Variants in ADAM9 observed in about 807,000 individuals in gnomAD.
ADAM9 encodes the protein ADAM metallopeptidase domain 9.
In ADAM9, 54 loss-of-function variants were observed where a neutral mutation model predicts 108.1. The observed-to-expected ratio is 0.50, with a 90% confidence interval of 0.40 to 0.63. The LOEUF (loss-of-function observed/expected upper bound fraction) is 0.63, where lower values mean the gene tolerates loss of function less well. ADAM9 is among the 20% of genes least tolerant of loss of function. ADAM9 has a pLI of 0.00. For synonymous variants in ADAM9, 316 were observed against 336.0 expected (o/e 0.94, Z 0.65); for missense variants, 830 against 997.7 (o/e 0.83, Z 2.26).
At chr8:39,017,816 C>T (rs1487928345) in intron 6 of ADAM9, among the ~76,000 whole-genome samples, 2 of 152,108 alleles carry the variant, frequency 1.3e-5, no homozygotes, top group Admixed American at 6.6e-5. Flanking sequence ...TGGTCTTGAA[C>T]CCCTGGTATC....
intron 11 of ADAM9, among the ~76,000 whole-genome samples, chr8:39,032,121 G>GACAA (rs1837115579): frequency 6.6e-6 from 1 of 152,238 alleles, no homozygotes; most frequent in East Asian, 1.9e-4. Flanking sequence ...AGGCTACATG[G>GACAA]GTGTCAGGGA....
At position 39,104,827 on chromosome 8, in the gene ADAM9, A is replaced by G. The variant is rs1267136686; in HGVS notation, c.*1127A>G. 2 of 452,594 alleles carry G rather than the reference A, an allele frequency of 4.4e-6. No homozygotes were observed. The highest frequency in any genetic ancestry group is 8.8e-6 in the Non-Finnish European group (2 of 226,396). 28.0% of individuals were successfully genotyped at this position (452,594 alleles called of 1,614,324 possible). A position where few individuals can be genotyped will look rare whatever the true frequency, so the allele number is the denominator to read the frequency against. On this transcript the variant is annotated 3_prime_UTR_variant, in exon 22 of 22. Coordinates refer to ENST00000487273, the MANE Select transcript of ADAM9 (RefSeq NM_003816.3). ...AAAATGAATTTTTACTATGGCAGAT[A>G]TGGTATGGATCGTAAAATTTTAAGC...
At chr8:39,009,972 C>A (rs1001829839) in intron 2 of ADAM9, among the ~76,000 whole-genome samples, 13 of 149,332 alleles carry the variant, frequency 8.7e-5, no homozygotes, top group African/African-American at 2.7e-4. Flanking sequence ...AAACCCCCCC[C>A]CCCAAACCAA....
At chr8:39,034,642 G>A (rs1837210520) in intron 11 of ADAM9, among the ~76,000 whole-genome samples, 1 of 152,030 alleles carries the variant, frequency 6.6e-6, no homozygotes, top group Non-Finnish European at 1.5e-5. Context: ...GGATATTTTT[G>A]TTGAATATAG....
chr8:39,061,986 A>T (rs1266490806), intron 14 of ADAM9, among the ~76,000 whole-genome samples: 1 of 152,182 alleles, frequency 6.6e-6, no homozygotes, highest in Non-Finnish European at 1.5e-5. Flanking sequence ...TCAAAGTGCC[A>T]GTCAATTTGG....
intron 1 of ADAM9, among the ~76,000 whole-genome samples, chr8:39,001,321 A>G (rs1835985199): frequency 1.3e-5 from 2 of 152,292 alleles, no homozygotes; most frequent in South Asian, 4.1e-4. Context: ...ATATGTGATA[A>G]TTACAACTAT....
chr8:39,055,750 A>G lies in ADAM9; in HGVS notation c.1569A>G (p.Gln523=), dbSNP rs376796967. 84 of 1,613,498 alleles carry G rather than the reference A, an allele frequency of 5.2e-5. No individual in the cohort carries two copies. In the East Asian group the frequency reaches 8.5e-4, roughly 16 times the overall value. Residue 523 remains glutamine, a synonymous_variant, in exon 14 of 22, where the codon CAA becomes CAG. Coordinates refer to ENST00000487273, the MANE Select transcript of ADAM9 (RefSeq NM_003816.3). ...YNGMCQYYDA[Q]CQVIFGSKAK... ...GCATGTGCCAGTATTATGATGCTCA[A>G]TGTCAAGTCATCTTTGGCTCAAGTA...
intron 20 of ADAM9, among the ~76,000 whole-genome samples, chr8:39,097,309 CT>C (rs369116377): frequency 1.8e-3 from 248 of 139,222 alleles, no homozygotes; most frequent in Middle Eastern, 7.4e-3. Flanking sequence ...GTCTCTCTGA[CT>C]TTTTTTTTTT....
intron 7 of ADAM9, among the ~76,000 whole-genome samples, chr8:39,020,473 A>G (rs1836700972): frequency 6.6e-6 from 1 of 152,218 alleles, no homozygotes; most frequent in African/African-American, 2.4e-5. Flanking sequence ...CTTTTAGCAT[A>G]GAGCAAAATC....
At chr8:39,050,102 T>C (rs1588385672) in intron 12 of ADAM9, among the ~76,000 whole-genome samples, 1 of 152,218 alleles carries the variant, frequency 6.6e-6, no homozygotes, top group African/African-American at 2.4e-5. Flanking sequence ...CCTTCTGGCC[T>C]GCAAGATTTC....
chr8:39,019,619 AAG>A lies in ADAM9; in HGVS notation c.672+706_672+707del, dbSNP rs146710051. On this transcript the variant is annotated intron_variant, in intron 7 of 21. Transcript: ENST00000487273. ...GTTACAACAGCTGTGTAATTTAAAA[AAG>A]AGAGTATTTTTAGTGTTTTGTTTGA... Among the ~76,000 whole-genome samples, 1,241 of 152,294 alleles carry A rather than the reference AAG, an allele frequency of 8.1e-3. 18 individuals carry two copies. The highest frequency in any genetic ancestry group is 0.028 in the African/African-American group (1,179 of 41,546).
At chr8:39,067,359 C>T (rs1455047682) in intron 14 of ADAM9, among the ~76,000 whole-genome samples, 2 of 152,084 alleles carry the variant, frequency 1.3e-5, no homozygotes, top group Admixed American at 1.3e-4. Context: ...GCCATTTTCA[C>T]GATATTGATT....
At chr8:39,011,366 G>T (rs1047806675) in intron 2 of ADAM9, among the ~76,000 whole-genome samples, 1 of 152,136 alleles carries the variant, frequency 6.6e-6, no homozygotes, top group Non-Finnish European at 1.5e-5. Flanking sequence ...GTAATACATC[G>T]ATGGACTTGA....
chr8:39,036,453 T>A (rs1369462614), intron 11 of ADAM9, among the ~76,000 whole-genome samples: 6 of 152,198 alleles, frequency 3.9e-5, no homozygotes, highest in Admixed American at 3.3e-4. Context: ...CAAATAAATA[T>A]GTTTTGAATG....
intron 12 of ADAM9, 33 bp from the exon 13 acceptor site, chr8:39,054,448 A>G: frequency 6.4e-7 from 1 of 1,571,304 alleles, no homozygotes; most frequent in Non-Finnish European, 8.8e-7. Context: ...TCAATTACTA[A>G]TTTCTTTATT....
At chr8:39,089,816 C>T in intron 18 of ADAM9, 1 of 508,506 alleles carries the variant, frequency 2.0e-6, no homozygotes, top group Non-Finnish European at 3.6e-6. Context: ...TGATTGTTTG[C>T]TCGAAGAAAT....
At chr8:39,082,591 A>G in intron 16 of ADAM9, 50 bp from the exon 17 acceptor site, 2 of 1,478,040 alleles carry the variant, frequency 1.4e-6, no homozygotes, top group Non-Finnish European at 1.9e-6. Flanking sequence ...GGTACTTTTT[A>G]ATGACTGTGC....
At chr8:39,083,382 C>A (rs766543302) in intron 18 of ADAM9, among the ~76,000 whole-genome samples, 1 of 152,142 alleles carries the variant, frequency 6.6e-6, no homozygotes, top group Non-Finnish European at 1.5e-5. Flanking sequence ...ATTTTGTCAG[C>A]GTCTTGCTTT....
intron 11 of ADAM9, among the ~76,000 whole-genome samples, chr8:39,033,233 A>G (rs1471754520): frequency 6.6e-6 from 1 of 152,186 alleles, no homozygotes; most frequent in Non-Finnish European, 1.5e-5. Context: ...CATTGCTGGC[A>G]TATAGGAAAG....
Sources: gnomAD v4.1 joint callset for allele counts (sites outside exome capture counted in the v4.1 genomes callset) on GRCh38, gnomAD v4.1.1 for gene constraint, MANE v1.5 for transcripts, NCBI Gene and HGNC (gene_info 2026-07-23, HGNC 2026-07-21) for gene names.